The following RTN1 variants were observed in gnomAD, a reference collection of about 807,000 sequenced individuals.
RTN1 encodes reticulon-1.
In RTN1, 25 loss-of-function variants were observed where a neutral mutation model predicts 65.5. The ratio of observed to expected loss-of-function variants is 0.38; its 90% CI spans 0.28 to 0.53. The LOEUF is 0.53. RTN1 is among the 20% of genes least tolerant of loss of function. The probability of loss-of-function intolerance (pLI) is 0.79; values close to 1 mark genes in which losing one functional copy is unlikely to be tolerated. For missense variants in RTN1, 983 were observed against 1,025.4 expected, an observed-to-expected ratio of 0.96 and a Z score of 0.57; for synonymous variants, 471 against 447.6, an observed-to-expected ratio of 1.05 and a Z score of -0.66.
chr14:59,663,156 G>T (rs1883288333), intron 3 of RTN1, among the ~76,000 whole-genome samples: 1 of 152,148 alleles, frequency 6.6e-6, no homozygotes, highest in Non-Finnish European at 1.5e-5. Flanking sequence ...ACAAGAACAA[G>T]CAGTGGGGAA....
In RTN1 at chr14:59,615,066, G is replaced by A. The variant is rs367569848; in HGVS notation, c.1766-7574C>T. Among the ~76,000 whole-genome samples, 59 of 152,358 alleles carry A rather than the reference G, an allele frequency of 3.9e-4. No homozygotes were observed. The East Asian group carries it at 6.4e-3, about 16-fold the overall frequency. Reference sequence around the variant, plus strand: ...GAACAAAACTGAAGGCTTAAGCAAAGTGAAAGGGTTAATCTTGTAAAAATT... The same window carrying A: ...GAACAAAACTGAAGGCTTAAGCAAAATGAAAGGGTTAATCTTGTAAAAATT... On this transcript the variant is annotated intron_variant, in intron 3 of 8. Transcript: ENST00000267484.
At chr14:59,695,232 C>T (rs138513819) in intron 3 of RTN1, among the ~76,000 whole-genome samples, 36 of 152,178 alleles carry the variant, frequency 2.4e-4, no homozygotes, top group Non-Finnish European at 4.4e-4. Flanking sequence ...TTCAGAAGAA[C>T]GTTCTCTTTA....
At chr14:59,697,758 A>C (rs943050690) in intron 3 of RTN1, among the ~76,000 whole-genome samples, 3 of 152,216 alleles carry the variant, frequency 2.0e-5, no homozygotes, top group Non-Finnish European at 2.9e-5. Context: ...TAAGCTTAAC[A>C]CAAGTCAACA....
chr14:59,719,992 C>G (rs763427315), intron 3 of RTN1, among the ~76,000 whole-genome samples: 1 of 152,116 alleles, frequency 6.6e-6, no homozygotes, highest in Non-Finnish European at 1.5e-5. Flanking sequence ...AAGGTTGACT[C>G]GATTCCATTT....
chr14:59,853,394 C>T (rs969877370), intron 1 of RTN1, among the ~76,000 whole-genome samples: 3 of 152,172 alleles, frequency 2.0e-5, no homozygotes, highest in Non-Finnish European at 4.4e-5. Flanking sequence ...CAGATCCATC[C>T]GCCAGTCACA....
At chr14:59,797,891 C>T (rs2139596884) in intron 1 of RTN1, among the ~76,000 whole-genome samples, 1 of 152,262 alleles carries the variant, frequency 6.6e-6, no homozygotes, top group South Asian at 2.1e-4. Context: ...GTGATGCCAA[C>T]ATTTTAAAAG....
intron 1 of RTN1, among the ~76,000 whole-genome samples, chr14:59,748,213 T>G (rs961789508): frequency 6.8e-6 from 1 of 146,136 alleles, no homozygotes; most frequent in Non-Finnish European, 1.5e-5. Flanking sequence ...CTGTGAGGTT[T>G]TTTTTTTTTT....
chr14:59,739,660 A>G (rs1216132397), intron 2 of RTN1, among the ~76,000 whole-genome samples: 1 of 152,134 alleles, frequency 6.6e-6, no homozygotes, highest in Non-Finnish European at 1.5e-5. Flanking sequence ...GCCATAGGAT[A>G]GAAAGAGGAG....
At chr14:59,777,657 C>G (rs1003090846) in intron 1 of RTN1, among the ~76,000 whole-genome samples, 3 of 152,042 alleles carry the variant, frequency 2.0e-5, no homozygotes, top group Non-Finnish European at 4.4e-5. Context: ...TCCTTAGGAC[C>G]AAAGGGATGT....
rs964512487 is a variant in RTN1 at position 59,867,809 on chromosome 14, T to G, written c.241+2581A>C. Among the ~76,000 whole-genome samples, 10 of 152,256 alleles carry G rather than the reference T, an allele frequency of 6.6e-5. No homozygotes were observed. In the South Asian group the frequency reaches 2.1e-3, roughly 32 times the overall value. ...AGTCTAAGTTACTTCTTAGTTTGAG[T>G]TGAGTCCCAAAAAAGCACCACTCTT... On this transcript the variant is annotated intron_variant, in intron 1 of 8. Transcript: ENST00000267484.
chr14:59,660,379 A>G (rs982649210), intron 3 of RTN1, among the ~76,000 whole-genome samples: 1 of 152,306 alleles, frequency 6.6e-6, no homozygotes, highest in Middle Eastern at 3.4e-3. Flanking sequence ...TTAGTTCTGG[A>G]CCAAGCAGAC....
chr14:59,627,331 G>A (rs1370429691), intron 3 of RTN1, among the ~76,000 whole-genome samples: 1 of 152,218 alleles, frequency 6.6e-6, no homozygotes, highest in African/African-American at 2.4e-5. Context: ...GACAGCCCAG[G>A]CTTGCAGCCA....
chr14:59,731,303 T>G (rs1455814260), intron 2 of RTN1, among the ~76,000 whole-genome samples: 1 of 152,058 alleles, frequency 6.6e-6, no homozygotes, highest in Non-Finnish European at 1.5e-5. Context: ...TAAGTAAATT[T>G]ATAGAGAAAG....
intron 1 of RTN1, among the ~76,000 whole-genome samples, chr14:59,789,592 C>T (rs994648311): frequency 7.9e-5 from 12 of 152,072 alleles, no homozygotes; most frequent in Admixed American, 2.6e-4. Flanking sequence ...AAATTTTGCA[C>T]GTTTGAAAAT....
At chr14:59,690,773 A>C (rs1020136935) in intron 3 of RTN1, among the ~76,000 whole-genome samples, 2 of 152,146 alleles carry the variant, frequency 1.3e-5, no homozygotes, top group South Asian at 4.1e-4. Context: ...AAATAAAAAT[A>C]AACACCAAGA....
At chr14:59,711,567 T>G (rs1170552298) in intron 3 of RTN1, among the ~76,000 whole-genome samples, 1 of 152,214 alleles carries the variant, frequency 6.6e-6, no homozygotes, top group Non-Finnish European at 1.5e-5. Flanking sequence ...ACAACAGATT[T>G]CAGTGGCTTC....
intron 3 of RTN1, among the ~76,000 whole-genome samples, chr14:59,624,429 G>A (rs1178475436): frequency 6.6e-6 from 1 of 151,660 alleles, no homozygotes; most frequent in Non-Finnish European, 1.5e-5. Context: ...TAATTATAAG[G>A]CAGCCATATT....
chr14:59,697,315 G>A, intron 3 of RTN1, among the ~76,000 whole-genome samples: 1 of 152,002 alleles, frequency 6.6e-6, no homozygotes, highest in East Asian at 1.9e-4. Context: ...GTTATTTCTG[G>A]ATGTCTTTCT....
chr14:59,778,449 G>T (rs1167052439), intron 1 of RTN1, among the ~76,000 whole-genome samples: 2 of 152,180 alleles, frequency 1.3e-5, no homozygotes, highest in Non-Finnish European at 2.9e-5. Flanking sequence ...ATTTGTCCAA[G>T]TCGCAGTAAG....
Sources: gnomAD v4.1 joint callset for allele counts (sites outside exome capture counted in the v4.1 genomes callset) on GRCh38, gnomAD v4.1.1 for gene constraint, MANE v1.5 for transcripts, NCBI Gene and HGNC (gene_info 2026-07-23, HGNC 2026-07-21) for gene names.